The following STAT1 variants were observed in gnomAD, a reference collection of about 807,000 sequenced individuals.
The protein encoded by STAT1 is signal transducer and activator of transcription 1-alpha/beta.
A neutral mutation model predicts 111.7 loss-of-function variants in STAT1; 24 were observed. The observed-to-expected ratio is 0.21, with a 90% CI of 0.16 to 0.30. The LOEUF (loss-of-function observed/expected upper bound fraction) is 0.30. Ranked by LOEUF, STAT1 falls within the 10% of genes least tolerant of loss-of-function variation. The pLI, the probability that STAT1 is intolerant of heterozygous loss-of-function variation, is 1.00. For synonymous variants in STAT1, 332 were observed against 326.5 expected (o/e 1.02, Z -0.18); for missense variants, 351 against 911.9 (o/e 0.38, Z 7.92).
chr2:190,985,059 G>A (rs1326542095), intron 15 of STAT1, among the ~76,000 whole-genome samples: 2 of 152,204 alleles, frequency 1.3e-5, no homozygotes, highest in Admixed American at 1.3e-4. Context: ...CACACTGTGT[G>A]TGCATAAATG....
At position 191,012,172 on chromosome 2, in the gene STAT1, G is replaced by C. The variant is rs1695184318; in HGVS notation, c.-2+1353C>G. On this transcript the variant is annotated intron_variant, in intron 2 of 24. Coordinates refer to ENST00000361099, the MANE Select transcript of STAT1 (RefSeq NM_007315.4). The surrounding 1 kb of genome is among the most constrained non-coding windows in gnomAD (Gnocchi z 4.0). Reference sequence around the variant, plus strand: ...TCACGCCTGTAATCCCAGCACTTTCGGAGGCCAAGGTGGGCGGATTGCCTG... The same window carrying C: ...TCACGCCTGTAATCCCAGCACTTTCCGAGGCCAAGGTGGGCGGATTGCCTG... Among the ~76,000 whole-genome samples the C allele has an allele frequency of 1.3e-5, 2 of 151,966 alleles. No individual in the cohort carries two copies. Among genetic ancestry groups the C allele is most frequent in the South Asian group, 4.1e-4 (2 of 4,820 alleles).
intron 24 of STAT1, among the ~76,000 whole-genome samples, chr2:190,972,289 T>C (rs998336684): frequency 7.9e-5 from 12 of 152,248 alleles, no homozygotes; most frequent in African/African-American, 2.9e-4. Context: ...TAGCTAGTCC[T>C]ATCATTATGA....
Position 190,989,950 on chromosome 2 carries a change from G to A in STAT1, c.1038-276C>T, listed in dbSNP as rs1693188819. On this transcript the variant is annotated intron_variant, in intron 11 of 24. Coordinates refer to ENST00000361099, the MANE Select transcript of STAT1 (RefSeq NM_007315.4). This position sits in a 1 kb window ranked among gnomAD's most constrained non-coding sequence, Gnocchi z 5.0. ...ACATTGCCACCAAAAGTTAATGAGG[G>A]TAGCTGTTTACCTCTATAACCTTGC... 6.6e-6 allele frequency among the ~76,000 whole-genome samples: 1 copy of A among 152,208 alleles called. No homozygotes were observed. Among genetic ancestry groups the A allele is most frequent in the African/African-American group, 2.4e-5 (1 of 41,448 alleles).
At position 190,984,966 on chromosome 2, in the gene STAT1, T is replaced by A. The variant is rs1436890111; in HGVS notation, c.1264-573A>T. On this transcript the variant is annotated intron_variant, in intron 15 of 24. Transcript: ENST00000361099. The surrounding 1 kb of genome is among the most constrained non-coding windows in gnomAD (Gnocchi z 5.2). ...ACATAGTTCAGGCGCACACCAGGGC[T>A]AGAAGGCATCTTTGCACTGCCTGGG... 6.6e-6 allele frequency among the ~76,000 whole-genome samples: 1 copy of A among 152,230 alleles called. No homozygotes were observed. Among genetic ancestry groups the A allele is most frequent in the Non-Finnish European group, 1.5e-5 (1 of 68,024 alleles).
rs1222948692 is a variant in STAT1, at chr2:190,978,720, G to A, written c.1873+136C>T. On this transcript the variant is annotated intron_variant, in intron 21 of 24. Transcript: ENST00000361099. This position sits in a 1 kb window ranked among gnomAD's most constrained non-coding sequence, Gnocchi z 6.1. ...TGTGGTGGTTTATTAAATCCTATCGGGGGCTCATTTGGGGTAAGTATAAGA... is the reference window on the plus strand; with the variant it reads ...TGTGGTGGTTTATTAAATCCTATCGAGGGCTCATTTGGGGTAAGTATAAGA... 1.8e-6 allele frequency: 2 copies of A among 1,089,762 alleles called. No homozygotes were observed. 67.5% of individuals were successfully genotyped at this position (1,089,762 alleles called of 1,614,324 possible). A position where few individuals can be genotyped will look rare whatever the true frequency, so the allele number is the denominator to read the frequency against.
chr2:190,984,534 C>G lies in STAT1; in HGVS notation c.1264-141G>C. The G allele has an allele frequency of 1.4e-6, 1 of 706,008 alleles. No homozygotes were observed. Among genetic ancestry groups the G allele is most frequent in the African/African-American group, 1.8e-5 (1 of 56,086 alleles). 43.7% of individuals were successfully genotyped at this position (706,008 alleles called of 1,614,324 possible). A position where few individuals can be genotyped will look rare whatever the true frequency, so the allele number is the denominator to read the frequency against. The stretch of plus-strand genomic sequence containing the variant: ...AGTCTGAAGACTCAATATTCAATCT[C>G]TCCCAGATTTAATGATTCTTAGTAT... On this transcript the variant is annotated intron_variant, in intron 15 of 24. Transcript: ENST00000361099. This position sits in a 1 kb window ranked among gnomAD's most constrained non-coding sequence, Gnocchi z 5.2.
At position 190,974,905 on chromosome 2, in the gene STAT1, G is replaced by A; in HGVS notation, c.2163C>T (p.Asp721=). 1 of 1,614,234 alleles carries A rather than the reference G, an allele frequency of 6.2e-7. No individual in the cohort carries two copies. The highest frequency in any genetic ancestry group is 8.5e-7 in the Non-Finnish European group (1 of 1,180,020). The change falls in exon 24 of 25, where the codon GAC becomes GAT. Residue 721 remains aspartate, a synonymous_variant. Transcript: ENST00000361099. The surrounding 1 kb of genome is among the most constrained non-coding windows in gnomAD (Gnocchi z 4.8). ...EVHPSRLQTT[D]NLLPMSPEEF... is the part of the protein sequence containing the mutation. ...CCTCAGGAGACATGGGGAGCAGGTT[G>A]TCTGTGGTCTGAAGTCTAGAAGGGT...
chr2:190,980,849 T>C lies in STAT1; in HGVS notation c.1583-180A>G, dbSNP rs144404632. Among the ~76,000 whole-genome samples the C allele has an allele frequency of 1.3e-5, 2 of 152,314 alleles. No individual in the cohort carries two copies. The highest frequency in any genetic ancestry group is 3.9e-4 in the East Asian group (2 of 5,190). On this transcript the variant is annotated intron_variant, in intron 18 of 24. Coordinates refer to ENST00000361099, the MANE Select transcript of STAT1 (RefSeq NM_007315.4). The surrounding 1 kb of genome is among the most constrained non-coding windows in gnomAD (Gnocchi z 6.1). Reference sequence around the variant, plus strand: ...AAATTAACTGAGCAATTATAATACGTGCTGTAAGAGGGCGGAATTTAAATG... The same window carrying C: ...AAATTAACTGAGCAATTATAATACGCGCTGTAAGAGGGCGGAATTTAAATG...
In STAT1 at chr2:190,987,986, G is replaced by A. The variant is rs970661635; in HGVS notation, c.1098-918C>T. Among the ~76,000 whole-genome samples the A allele has an allele frequency of 6.6e-6, 1 of 152,246 alleles. No homozygotes were observed. The highest frequency in any genetic ancestry group is 2.4e-5 in the African/African-American group (1 of 41,462). ...AGACACAAGGGCCCGAAGCAGCTGA[G>A]AGGAGCTGAGCTGACGCAGAAGATG... On this transcript the variant is annotated intron_variant, in intron 12 of 24. Coordinates refer to ENST00000361099, the MANE Select transcript of STAT1 (RefSeq NM_007315.4). The surrounding 1 kb of genome is among the most constrained non-coding windows in gnomAD (Gnocchi z 4.0).
chr2:190,999,610 A>G lies in STAT1; in HGVS notation c.541+16T>C, dbSNP rs368048265. On this transcript the variant is annotated intron_variant, in intron 7 of 24. Coordinates refer to ENST00000361099, the MANE Select transcript of STAT1 (RefSeq NM_007315.4). The surrounding 1 kb of genome is among the most constrained non-coding windows in gnomAD (Gnocchi z 4.1). ...AATTGCAGCCAACGGGCACCACTTC[A>G]GTTGTGAACCCTTACCTCTGTTCTG... The G allele has an allele frequency of 4.2e-5, 68 of 1,601,336 alleles. No individual in the cohort carries two copies. The highest frequency in any genetic ancestry group is 1.2e-4 in the Admixed American group (7 of 59,960).
rs953424166 is a variant in STAT1, at chr2:190,976,836, T to C, written c.2059+4A>G. 1 of 1,613,802 alleles carries C rather than the reference T, an allele frequency of 6.2e-7. No homozygotes were observed. Among genetic ancestry groups the C allele is most frequent in the African/African-American group, 1.3e-5 (1 of 74,932 alleles). ...CGCTGTTACCACCTGCTTGCCCCAC[T>C]TACCTTCCTTTGGCCTGGAGTAATA... is the stretch of plus-strand genomic sequence containing the variant. On this transcript the variant is annotated splice_donor_region_variant and intron_variant, in intron 22 of 24. Transcript: ENST00000361099. This position sits in a 1 kb window ranked among gnomAD's most constrained non-coding sequence, Gnocchi z 6.0.
chr2:191,003,804 G>A lies in STAT1; in HGVS notation c.373-2641C>T, dbSNP rs942011624. On this transcript the variant is annotated intron_variant, in intron 5 of 24. Coordinates refer to ENST00000361099, the MANE Select transcript of STAT1 (RefSeq NM_007315.4). This position sits in a 1 kb window ranked among gnomAD's most constrained non-coding sequence, Gnocchi z 4.0. ...ACAGACTAATACAACTTCTAAGCCAGCAGGATGTGGGCACGGTGTCCTGTG... is the reference window on the plus strand; with the variant it reads ...ACAGACTAATACAACTTCTAAGCCAACAGGATGTGGGCACGGTGTCCTGTG... Among the ~76,000 whole-genome samples the A allele has an allele frequency of 1.3e-5, 2 of 152,170 alleles. No homozygotes were observed. The highest frequency in any genetic ancestry group is 1.3e-4 in the Admixed American group (2 of 15,280).
chr2:191,001,548 G>A (rs545509125), intron 5 of STAT1, among the ~76,000 whole-genome samples: 2 of 152,282 alleles, frequency 1.3e-5, no homozygotes, highest in African/African-American at 4.8e-5. Context: ...CAGACCAGCA[G>A]CATCTCACCA....
chr2:190,993,855 A>T lies in STAT1; in HGVS notation c.944+1206T>A, dbSNP rs1408894868. On this transcript the variant is annotated intron_variant, in intron 10 of 24. Coordinates refer to ENST00000361099, the MANE Select transcript of STAT1 (RefSeq NM_007315.4). This position sits in a 1 kb window ranked among gnomAD's most constrained non-coding sequence, Gnocchi z 4.1. Reference sequence around the variant, plus strand: ...CTCAGTGACATTTATCTATCTACTAAGTGTGTCTAGAGAGCCTACTGTTCA... The same window carrying T: ...CTCAGTGACATTTATCTATCTACTATGTGTGTCTAGAGAGCCTACTGTTCA... Among the ~76,000 whole-genome samples the T allele has an allele frequency of 6.6e-6, 1 of 151,954 alleles. No homozygotes were observed. The highest frequency in any genetic ancestry group is 1.9e-4 in the East Asian group (1 of 5,192).
chr2:190,977,387 G>T lies in STAT1; in HGVS notation c.1874-362C>A, dbSNP rs41378045. 5.8e-3 allele frequency among the ~76,000 whole-genome samples: 881 copies of T among 152,236 alleles called. 13 individuals carry two copies. The highest frequency in any genetic ancestry group is 0.019 in the African/African-American group (779 of 41,552). On this transcript the variant is annotated intron_variant, in intron 21 of 24. Coordinates refer to ENST00000361099, the MANE Select transcript of STAT1 (RefSeq NM_007315.4). The surrounding 1 kb of genome is among the most constrained non-coding windows in gnomAD (Gnocchi z 4.7). ...GTGGATCATCTTGGCTTAAGCCACA[G>T]ATTTAAATTACTAGAGATAAACTCA... is the stretch of plus-strand genomic sequence containing the variant.
In STAT1 at chr2:191,007,957, C is replaced by T; in HGVS notation, c.274-296G>A. On this transcript the variant is annotated intron_variant, in intron 4 of 24. Transcript: ENST00000361099. The surrounding 1 kb of genome is among the most constrained non-coding windows in gnomAD (Gnocchi z 4.2). ...TAATATCTTTCCATATTTCTTAAGG[C>T]CAATTATCTTTGGTTAGGATCCCGA... The T allele has an allele frequency of 2.0e-6, 1 of 490,926 alleles. No individual in the cohort carries two copies. Among genetic ancestry groups the T allele is most frequent in the Middle Eastern group, 3.9e-4 (1 of 2,566 alleles). 30.4% of individuals were successfully genotyped at this position (490,926 alleles called of 1,614,324 possible).
rs1411022181 is a variant in STAT1 at position 191,000,754 on chromosome 2, G to A, written c.462+320C>T. Among the ~76,000 whole-genome samples the A allele has an allele frequency of 6.6e-6, 1 of 152,206 alleles. No homozygotes were observed. Among genetic ancestry groups the A allele is most frequent in the Admixed American group, 6.5e-5 (1 of 15,282 alleles). ...TATCCTGGGGCACTGTGATTTGAGA[G>A]GTGTGGACATAAAGGCCCATTTAGA... On this transcript the variant is annotated intron_variant, in intron 6 of 24. Transcript: ENST00000361099. This position sits in a 1 kb window ranked among gnomAD's most constrained non-coding sequence, Gnocchi z 4.8.
intron 15 of STAT1, among the ~76,000 whole-genome samples, 184 bp downstream of exon 15, chr2:190,985,435 A>C (rs533675001): frequency 1.3e-5 from 2 of 152,250 alleles, no homozygotes; most frequent in Admixed American, 6.5e-5. Flanking sequence ...TCGTTTGACA[A>C]TAGTAAAGCA....
chr2:191,009,164 G>A, intron 3 of STAT1, 57 bp from the exon 4 acceptor site: 5 of 1,578,952 alleles, frequency 3.2e-6, no homozygotes, highest in Non-Finnish European at 4.3e-6. Context: ...ATGTAAAACA[G>A]ACAAAACAAA....
Sources: gnomAD v4.1 joint callset for allele counts (sites outside exome capture counted in the v4.1 genomes callset) on GRCh38, gnomAD v4.1.1 for gene constraint, Gnocchi (gnomAD v3.1) non-coding constraint, MANE v1.5 for transcripts, NCBI Gene and HGNC (gene_info 2026-07-23, HGNC 2026-07-21) for gene names.